CPNE4: variants seen among roughly 807,000 people sequenced by gnomAD.
CPNE4 encodes copine 4.
A neutral mutation model predicts 67.9 loss-of-function variants in CPNE4; 25 were observed. The observed-to-expected ratio is 0.37, with a 90% CI of 0.27 to 0.51. The LOEUF is 0.51. Among genes scored for constraint, CPNE4 ranks in the 20% least tolerant of loss-of-function variants. CPNE4 has a pLI of 0.93. For missense variants in CPNE4, 464 were observed against 690.8 expected (o/e 0.67, Z 3.68); for synonymous variants, 242 against 244.9 (o/e 0.99, Z 0.11).
chr3:131,707,279 T>C (rs1459682364), intron 3 of CPNE4, among the ~76,000 whole-genome samples: 1 of 152,174 alleles, frequency 6.6e-6, no homozygotes, highest in African/African-American at 2.4e-5. Flanking sequence ...TTCTTGTCTC[T>C]TCTAGCATCT....
At chr3:131,891,903 A>C (rs958363078) in intron 2 of CPNE4, among the ~76,000 whole-genome samples, 1 of 152,106 alleles carries the variant, frequency 6.6e-6, no homozygotes, top group African/African-American at 2.4e-5. Context: ...CCTCCACAAA[A>C]AGAGACAAAA....
At chr3:131,827,635 A>C (rs2085214816) in intron 2 of CPNE4, among the ~76,000 whole-genome samples, 1 of 152,122 alleles carries the variant, frequency 6.6e-6, no homozygotes, top group Non-Finnish European at 1.5e-5. Flanking sequence ...GTTATGCTTT[A>C]GAATACTTAC....
chr3:131,988,821 T>C (rs558986250), intron 1 of CPNE4, among the ~76,000 whole-genome samples: 2 of 152,352 alleles, frequency 1.3e-5, no homozygotes, highest in African/African-American at 4.8e-5. Context: ...TACCTCTTTT[T>C]CCATGGTCAG....
intron 2 of CPNE4, among the ~76,000 whole-genome samples, chr3:131,724,979 T>C (rs558022780): frequency 6.6e-6 from 1 of 152,228 alleles, no homozygotes; most frequent in Non-Finnish European, 1.5e-5. Flanking sequence ...ATAGCATCCC[T>C]GTACTAGAGA....
At chr3:132,017,443 G>A (rs1440222888) in intron 1 of CPNE4, 1 of 152,010 alleles carries the variant, frequency 6.6e-6, no homozygotes, top group East Asian at 1.9e-4. Flanking sequence ...AGGAATAAAG[G>A]ACAAGTCTTA....
chr3:131,567,097 C>T (rs1307257207), intron 10 of CPNE4, among the ~76,000 whole-genome samples: 7 of 151,916 alleles, frequency 4.6e-5, no homozygotes, highest in African/African-American at 1.4e-4. Context: ...ACAATCTGTC[C>T]CATGTGCTGG....
intron 2 of CPNE4, among the ~76,000 whole-genome samples, chr3:131,789,213 A>T (rs1040657151): frequency 3.3e-5 from 5 of 152,112 alleles, no homozygotes; most frequent in African/African-American, 1.2e-4. Context: ...AGACGTACAC[A>T]TTGCTCTAGA....
At chr3:131,856,783 G>A (rs1211802062) in intron 2 of CPNE4, among the ~76,000 whole-genome samples, 1 of 151,980 alleles carries the variant, frequency 6.6e-6, no homozygotes, top group Admixed American at 6.6e-5. Flanking sequence ...ATGCCTTAAA[G>A]CATTTGATCC....
chr3:131,959,784 G>T (rs2072111312), intron 1 of CPNE4, among the ~76,000 whole-genome samples: 1 of 152,030 alleles, frequency 6.6e-6, no homozygotes, highest in Non-Finnish European at 1.5e-5. Flanking sequence ...CCCACTCCCT[G>T]AGCTGCCCAC....
intron 2 of CPNE4, among the ~76,000 whole-genome samples, chr3:131,812,193 G>T (rs920156306): frequency 1.4e-5 from 2 of 147,294 alleles, no homozygotes; most frequent in Non-Finnish European, 3.0e-5. Flanking sequence ...GAATAGAGAA[G>T]GTGGAAATAA....
Position 131,950,038 on chromosome 3 carries a change from C to A in CPNE4, c.-1-44594G>T, listed in dbSNP as rs114630487. ...TTTCTTATGATATATATAATAAATT[C>A]TTGTTATTTGCAGTAGTTATGTTGT... On this transcript the variant is annotated intron_variant, in intron 1 of 15. Transcript: ENST00000429747. Among the ~76,000 whole-genome samples, 581 of 152,110 alleles carry A rather than the reference C, an allele frequency of 3.8e-3. 5 individuals are homozygous for A. The highest frequency in any genetic ancestry group is 0.014 in the African/African-American group (565 of 41,506).
chr3:131,944,718 T>A (rs545160151), intron 1 of CPNE4, among the ~76,000 whole-genome samples: 3 of 127,092 alleles, frequency 2.4e-5, no homozygotes, highest in Non-Finnish European at 3.8e-5. Flanking sequence ...ATTTACATCT[T>A]AATTTTTTTA....
chr3:131,596,621 CAAAAAAAAAAA>C (rs58456346), intron 7 of CPNE4, among the ~76,000 whole-genome samples: 4 of 32,958 alleles, frequency 1.2e-4, no homozygotes, highest in East Asian at 3.3e-3. Context: ...GACTCCGTCT[CAAAAAAAAAAA>C]AAAAAAAAAA....
At chr3:131,954,677 G>T (rs1296618654) in intron 1 of CPNE4, among the ~76,000 whole-genome samples, 3 of 152,084 alleles carry the variant, frequency 2.0e-5, no homozygotes, top group African/African-American at 7.2e-5. Flanking sequence ...CCCAGTGTGT[G>T]ATGTTCCCCA....
In CPNE4 at chr3:131,846,858, T is replaced by C. The variant is rs113591935; in HGVS notation, c.180+58406A>G. 1.8e-3 allele frequency among the ~76,000 whole-genome samples: 269 copies of C among 152,300 alleles called. 4 individuals are homozygous for C. In the South Asian group the frequency reaches 0.046, roughly 26 times the overall value. On this transcript the variant is annotated intron_variant, in intron 2 of 15. Coordinates refer to ENST00000429747, the MANE Select transcript of CPNE4 (RefSeq NM_130808.3). ...CCTACATGTGGCTGCTAGGGCTTCCTTGCAGCATGACAGCTGCTAATTCCA... is the reference window on the plus strand; with the variant it reads ...CCTACATGTGGCTGCTAGGGCTTCCCTGCAGCATGACAGCTGCTAATTCCA...
In CPNE4 at chr3:131,534,586, G is replaced by C. The variant is rs980290142; in HGVS notation, c.*609C>G. 6 of 152,138 alleles carry C rather than the reference G, an allele frequency of 3.9e-5. No homozygotes were observed. The highest frequency in any genetic ancestry group is 7.4e-5 in the Non-Finnish European group (5 of 68,026). The allele number at this position is 152,138 out of a possible 1,614,324, so 9.4% of individuals were successfully genotyped here. A position where few individuals can be genotyped will look rare whatever the true frequency, so the allele number is the denominator to read the frequency against. ...GTGTACACAGTATAAAGTATGAGAG[G>C]TGCTGGGCTAGATGACCCAGACTTA... is the stretch of plus-strand genomic sequence containing the variant. On this transcript the variant is annotated 3_prime_UTR_variant, in exon 16 of 16. Transcript: ENST00000429747.
intron 1 of CPNE4, among the ~76,000 whole-genome samples, chr3:131,921,441 A>T (rs1174133022): frequency 1.3e-5 from 2 of 152,230 alleles, no homozygotes; most frequent in Non-Finnish European, 2.9e-5. Flanking sequence ...ATCGTGTGCC[A>T]TGAGGAGCTC....
chr3:131,798,800 GGT>G (rs1162018134), intron 2 of CPNE4, among the ~76,000 whole-genome samples: 2 of 151,876 alleles, frequency 1.3e-5, no homozygotes, highest in Non-Finnish European at 2.9e-5. Context: ...TATATCAGGT[GGT>G]ATATCATATT....
intron 2 of CPNE4, among the ~76,000 whole-genome samples, chr3:131,795,642 A>G (rs1210323258): frequency 6.6e-6 from 1 of 152,088 alleles, no homozygotes; most frequent in Non-Finnish European, 1.5e-5. Context: ...CAGTCTATGG[A>G]GGGTGTACAT....
Sources: allele counts gnomAD v4.1 joint callset (sites outside exome capture counted in the v4.1 genomes callset), GRCh38; gene constraint gnomAD v4.1.1; transcripts MANE v1.5; gene names NCBI Gene and HGNC (gene_info 2026-07-23, HGNC 2026-07-21).